NKAIN2: variants seen among roughly 807,000 people sequenced by gnomAD.
The protein encoded by NKAIN2 is sodium/potassium transporting ATPase interacting 2.
A neutral mutation model predicts 32.6 loss-of-function variants in NKAIN2; 14 were observed. That is an observed-to-expected ratio of 0.43 (90% CI 0.28 to 0.67). The LOEUF (loss-of-function observed/expected upper bound fraction) is 0.67, where lower values mean the gene tolerates loss of function less well. Among genes scored for constraint, NKAIN2 ranks in the 30% least tolerant of loss-of-function variants. The pLI is 0.17. For synonymous variants in NKAIN2, 80 were observed against 87.2 expected (o/e 0.92, Z 0.46); for missense variants, 198 against 258.3 (o/e 0.77, Z 1.60).
chr6:124,692,149 C>T (rs1281503777), intron 4 of NKAIN2, among the ~76,000 whole-genome samples: 1 of 152,086 alleles, frequency 6.6e-6, no homozygotes, highest in Non-Finnish European at 1.5e-5. Context: ...TGGTTTAACT[C>T]CTATTAGAAC....
At chr6:124,320,033 A>G (rs1285403614) in intron 2 of NKAIN2, among the ~76,000 whole-genome samples, 1 of 152,148 alleles carries the variant, frequency 6.6e-6, no homozygotes, top group Non-Finnish European at 1.5e-5. Context: ...TGGAAGAGCC[A>G]TCTGGCTTGT....
intron 2 of NKAIN2, among the ~76,000 whole-genome samples, chr6:124,354,243 G>A (rs1257045997): frequency 1.3e-5 from 2 of 151,908 alleles, no homozygotes; most frequent in Admixed American, 1.3e-4. Context: ...TATGATTCTT[G>A]TATAATAATG....
chr6:124,001,936 T>C (rs1194007514), intron 1 of NKAIN2, among the ~76,000 whole-genome samples: 1 of 151,590 alleles, frequency 6.6e-6, no homozygotes, highest in Admixed American at 6.6e-5. Context: ...CATTGAATCA[T>C]AATCATTGTT....
At chr6:123,970,399 G>A (rs1303515031) in intron 1 of NKAIN2, among the ~76,000 whole-genome samples, 5 of 151,922 alleles carry the variant, frequency 3.3e-5, no homozygotes, top group African/African-American at 1.2e-4. Context: ...AACACAGATG[G>A]GATTCTAATT....
chr6:124,800,530 T>C (rs1260439141), intron 5 of NKAIN2, among the ~76,000 whole-genome samples: 1 of 152,156 alleles, frequency 6.6e-6, no homozygotes, highest in African/African-American at 2.4e-5. Context: ...GAGGTGCGGT[T>C]TGTTTAAATA....
chr6:124,147,082 G>A (rs918410988), intron 1 of NKAIN2, among the ~76,000 whole-genome samples: 2 of 152,044 alleles, frequency 1.3e-5, no homozygotes, highest in African/African-American at 4.8e-5. Context: ...TGTTTTCTCT[G>A]GTAATACTTG....
intron 1 of NKAIN2, among the ~76,000 whole-genome samples, chr6:124,201,442 G>C (rs1349566501): frequency 6.6e-6 from 1 of 151,936 alleles, no homozygotes; most frequent in Non-Finnish European, 1.5e-5. Context: ...TTCTAGCGGG[G>C]AAAGTAGTTA....
chr6:124,388,229 C>G (rs551890439), intron 3 of NKAIN2, among the ~76,000 whole-genome samples: 2 of 151,662 alleles, frequency 1.3e-5, no homozygotes, highest in Admixed American at 1.3e-4. Context: ...GGATAAAGAT[C>G]AATTTCATTG....
At chr6:124,585,200 C>G (rs1781669395) in intron 3 of NKAIN2, among the ~76,000 whole-genome samples, 1 of 152,120 alleles carries the variant, frequency 6.6e-6, no homozygotes. Context: ...GTAAAATATG[C>G]AGGCACAGAA....
intron 1 of NKAIN2, among the ~76,000 whole-genome samples, chr6:124,199,218 G>T (rs2114618765): frequency 6.6e-6 from 1 of 152,146 alleles, no homozygotes; most frequent in African/African-American, 2.4e-5. Flanking sequence ...CAAACATTCT[G>T]GTCTTTTAAA....
At chr6:124,748,284 G>A (rs1349494023) in intron 4 of NKAIN2, among the ~76,000 whole-genome samples, 3 of 151,968 alleles carry the variant, frequency 2.0e-5, no homozygotes, top group African/African-American at 7.2e-5. Context: ...TCTGTAATGG[G>A]TAAGCCAGCA....
chr6:124,708,489 C>G (rs200173808), intron 4 of NKAIN2, among the ~76,000 whole-genome samples: 5 of 151,564 alleles, frequency 3.3e-5, no homozygotes, highest in South Asian at 2.1e-4. Context: ...GAATTTTCTT[C>G]CATTTGTTTG....
chr6:124,191,995 CTTAA>C (rs1213731850), intron 1 of NKAIN2, among the ~76,000 whole-genome samples: 1 of 146,028 alleles, frequency 6.8e-6, no homozygotes, highest in Non-Finnish European at 1.5e-5. Context: ...TTACTTTTTT[CTTAA>C]TTAGTCTTCT....
At chr6:123,847,182 A>G (rs1382812488) in intron 1 of NKAIN2, among the ~76,000 whole-genome samples, 3 of 152,246 alleles carry the variant, frequency 2.0e-5, no homozygotes, top group African/African-American at 7.2e-5. Context: ...CAAAGGAAAC[A>G]TATTCTGCCA....
chr6:124,205,986 C>T (rs1790861042), intron 1 of NKAIN2, among the ~76,000 whole-genome samples: 1 of 151,872 alleles, frequency 6.6e-6, no homozygotes, highest in Non-Finnish European at 1.5e-5. Flanking sequence ...AAAATATTCA[C>T]TCATCTCCTG....
chr6:124,788,663 G>A (rs945820697), intron 4 of NKAIN2, among the ~76,000 whole-genome samples: 3 of 152,036 alleles, frequency 2.0e-5, no homozygotes, highest in African/African-American at 7.2e-5. Flanking sequence ...AGAACAGCAT[G>A]AAGGTAACTG....
At chr6:124,713,042 T>C (rs920296465) in intron 4 of NKAIN2, among the ~76,000 whole-genome samples, 28 of 152,206 alleles carry the variant, frequency 1.8e-4, no homozygotes, top group African/African-American at 5.1e-4. Flanking sequence ...ATAACTAATA[T>C]GTTGAATGAC....
chr6:124,233,441 T>A (rs1453047521), intron 1 of NKAIN2, among the ~76,000 whole-genome samples: 1 of 152,210 alleles, frequency 6.6e-6, no homozygotes, highest in Non-Finnish European at 1.5e-5. Flanking sequence ...TGAGCCCTGA[T>A]GGTGACAGTG....
At chr6:124,200,797 T>C (rs994356614) in intron 1 of NKAIN2, among the ~76,000 whole-genome samples, 42 of 152,102 alleles carry the variant, frequency 2.8e-4, no homozygotes, top group African/African-American at 9.9e-4. Flanking sequence ...GCCATATGAC[T>C]TGTGCAAATA....
Sources: gnomAD v4.1 joint callset for allele counts (sites outside exome capture counted in the v4.1 genomes callset) on GRCh38, gnomAD v4.1.1 for gene constraint, MANE v1.5 for transcripts, NCBI Gene and HGNC (gene_info 2026-07-23, HGNC 2026-07-21) for gene names.